ATP2A1: variants seen among roughly 807,000 people sequenced by gnomAD.
The protein encoded by ATP2A1 is ATPase sarcoplasmic/endoplasmic reticulum Ca2+ transporting 1, also known as sarcoplasmic/endoplasmic reticulum calcium ATPase 1.
Under a neutral mutation model 109.5 loss-of-function variants are expected in ATP2A1, and 83 were observed. The ratio of observed to expected loss-of-function variants is 0.76; its 90% CI spans 0.63 to 0.91. ATP2A1 has a LOEUF of 0.91. Among genes scored for constraint, ATP2A1 ranks in the 40% least tolerant of loss-of-function variants. ATP2A1 has a pLI of 0.00. For missense variants in ATP2A1, 1,101 were observed against 1,341.0 expected (o/e 0.82, Z 2.80); for synonymous variants, 505 against 537.6 (o/e 0.94, Z 0.84).
Position 28,887,532 on chromosome 16 carries a change from G to A in ATP2A1, c.738G>A (p.Lys246=). 1.9e-6 allele frequency: 3 copies of A among 1,614,002 alleles called. No individual in the cohort carries two copies. Among genetic ancestry groups the A allele is most frequent in the Non-Finnish European group, 2.5e-6 (3 of 1,180,008 alleles). Residue 246 remains lysine, a synonymous_variant, in exon 8 of 23, where the codon AAG becomes AAA. Coordinates refer to ENST00000395503, the MANE Select transcript of ATP2A1 (RefSeq NM_004320.6). ...AAATGGCTGCCACAGAACAGGACAAGACCCCCTTGCAGCAGAAGCTGGATG... is the reference window on the plus strand; with the variant it reads ...AAATGGCTGCCACAGAACAGGACAAAACCCCCTTGCAGCAGAAGCTGGATG... ...RDQMAATEQD[K]TPLQQKLDEF...
rs1964155999 is a variant in ATP2A1 at position 28,903,571 on chromosome 16, T to C, written c.2981-129T>C. ...CCTGGCAGGACCTGTGTCCGCCCCGTTCCCCCTGCGCCTGCAGGGGCCACA... is the reference window on the plus strand; with the variant it reads ...CCTGGCAGGACCTGTGTCCGCCCCGCTCCCCCTGCGCCTGCAGGGGCCACA... On this transcript the variant is annotated intron_variant, in intron 21 of 22. Coordinates refer to ENST00000395503, the MANE Select transcript of ATP2A1 (RefSeq NM_004320.6). This position sits in a 1 kb window ranked among gnomAD's most constrained non-coding sequence, Gnocchi z 5.6. The C allele has an allele frequency of 6.8e-6, 8 of 1,184,928 alleles. No homozygotes were observed. The highest frequency in any genetic ancestry group is 1.5e-5 in the African/African-American group (1 of 64,948). The allele number at this position is 1,184,928 out of a possible 1,614,324, so 73.4% of individuals were successfully genotyped here. A position where few individuals can be genotyped will look rare whatever the true frequency, so the allele number is the denominator to read the frequency against.
At chr16:28,892,820 G>GAA (rs1379594068) in intron 9 of ATP2A1, among the ~76,000 whole-genome samples, 2 of 150,518 alleles carry the variant, frequency 1.3e-5, no homozygotes, top group African/African-American at 4.9e-5. Flanking sequence ...CAAGGTGAGT[G>GAA]GATCACCTGA....
chr16:28,895,745 C>G (rs1300813780), intron 12 of ATP2A1, among the ~76,000 whole-genome samples: 1 of 151,532 alleles, frequency 6.6e-6, no homozygotes, highest in Non-Finnish European at 1.5e-5. Context: ...CAAAACTGTA[C>G]TCTAGCTACT....
In ATP2A1 at chr16:28,898,060, ATGTC is replaced by A; in HGVS notation, c.1486_1489del (p.Val496IlefsTer41). On this transcript the variant is annotated frameshift_variant, in exon 13 of 23. Coordinates refer to ENST00000395503, the MANE Select transcript of ATP2A1 (RefSeq NM_004320.6). LOFTEE classifies it high-confidence loss of function. The surrounding 1 kb of genome is among the most constrained non-coding windows in gnomAD (Gnocchi z 4.0). ...GGAGTTCTCCCGAGACAGAAAGTCC[ATGTC>A]TGTCTATTGCTCCCCAGCCAAATCT... The A allele has an allele frequency of 6.2e-7, 1 of 1,614,070 alleles. No homozygotes were observed. Among genetic ancestry groups the A allele is most frequent in the East Asian group, 2.2e-5 (1 of 44,890 alleles).
At chr16:28,885,152 T>TA (rs1963583252) in intron 6 of ATP2A1, among the ~76,000 whole-genome samples, 1 of 150,002 alleles carries the variant, frequency 6.7e-6, no homozygotes, top group Admixed American at 6.7e-5. Context: ...AGGAGGCTGA[T>TA]ACAGTAGAAC....
chr16:28,878,703 A>C lies in ATP2A1; in HGVS notation c.32A>C (p.Glu11Ala), dbSNP rs1421773673. The change falls in exon 1 of 23, where the codon GAA (glutamate) becomes GCA (alanine). Residue 11 changes from glutamate (E) to alanine (A), a missense_variant. By Grantham distance (107) the Glu-to-Ala change is moderately radical (BLOSUM62 -1). Coordinates refer to ENST00000395503, the MANE Select transcript of ATP2A1 (RefSeq NM_004320.6). ...GCCGCTCATGCTAAAACCACGGAGGAATGTTTGGCCTATTTTGGGGTGAGT... is the reference window on the plus strand; with the variant it reads ...GCCGCTCATGCTAAAACCACGGAGGCATGTTTGGCCTATTTTGGGGTGAGT... MEAAHAKTTE[E>A]CLAYFGVSET... 1.2e-6 allele frequency: 2 copies of C among 1,610,588 alleles called. No individual in the cohort carries two copies. The highest frequency in any genetic ancestry group is 8.5e-7 in the Non-Finnish European group (1 of 1,178,334).
At position 28,898,413 on chromosome 16, in the gene ATP2A1, A is replaced by G. The variant is rs1215222946; in HGVS notation, c.1726A>G (p.Met576Val). The G allele has an allele frequency of 1.2e-6, 2 of 1,614,018 alleles. No individual in the cohort carries two copies. Among genetic ancestry groups the G allele is most frequent in the South Asian group, 1.1e-5 (1 of 91,088 alleles). ...GGACACCCCCCCGAAGCGAGAGGAA[A>G]TGGTCCTGGATGACTCTGCCAGGTT... ...TRDTPPKREE[M>V]VLDDSARFLE... The change falls in exon 14 of 23, where the codon ATG (methionine) becomes GTG (valine). Residue 576 changes from methionine (M) to valine (V), a missense_variant. Physicochemically the swap from Met to Val is conservative, Grantham distance 21. Coordinates refer to ENST00000395503, the MANE Select transcript of ATP2A1 (RefSeq NM_004320.6). This position sits in a 1 kb window ranked among gnomAD's most constrained non-coding sequence, Gnocchi z 4.0.
At position 28,883,737 on chromosome 16, in the gene ATP2A1, A is replaced by G. The variant is rs1963548769; in HGVS notation, c.464-838A>G. ...CCTCACCTCCACCCATTCACTCTCC[A>G]GCCTGTGCTGCCCGCCCCACTCTTC... is the stretch of plus-strand genomic sequence containing the variant. On this transcript the variant is annotated intron_variant, in intron 5 of 22. Coordinates refer to ENST00000395503, the MANE Select transcript of ATP2A1 (RefSeq NM_004320.6). This position sits in a 1 kb window ranked among gnomAD's most constrained non-coding sequence, Gnocchi z 5.2. Among the ~76,000 whole-genome samples the G allele has an allele frequency of 6.6e-6, 1 of 151,276 alleles. No homozygotes were observed. Among genetic ancestry groups the G allele is most frequent in the Non-Finnish European group, 1.5e-5 (1 of 67,766 alleles).
rs1964111279 is a variant in ATP2A1 at position 28,902,556 on chromosome 16, C to T, written c.2525-24C>T. On this transcript the variant is annotated intron_variant, in intron 17 of 22. Coordinates refer to ENST00000395503, the MANE Select transcript of ATP2A1 (RefSeq NM_004320.6). The surrounding 1 kb of genome is among the most constrained non-coding windows in gnomAD (Gnocchi z 4.8). ...CCCCCTATCTCCCCAGCCCTGACCCCCGACTCCCCTCTCTCCACCACAGGC... is the reference window on the plus strand; with the variant it reads ...CCCCCTATCTCCCCAGCCCTGACCCTCGACTCCCCTCTCTCCACCACAGGC... 6.2e-7 allele frequency: 1 copy of T among 1,613,086 alleles called. No homozygotes were observed.
At chr16:28,885,914 C>T (rs550179173) in intron 6 of ATP2A1, among the ~76,000 whole-genome samples, 5 of 152,074 alleles carry the variant, frequency 3.3e-5, no homozygotes, top group Non-Finnish European at 5.9e-5. Context: ...ACCTGTAATC[C>T]CAGTGCTTTG....
intron 6 of ATP2A1, 124 bp downstream of exon 6, chr16:28,884,779 C>T: frequency 1.0e-6 from 1 of 972,198 alleles, no homozygotes; most frequent in Non-Finnish European, 1.5e-6. Context: ...GACCCTGTCT[C>T]TACAAAAAAA....
At chr16:28,885,837 C>G (rs1216116455) in intron 6 of ATP2A1, among the ~76,000 whole-genome samples, 2 of 151,994 alleles carry the variant, frequency 1.3e-5, no homozygotes, top group African/African-American at 4.8e-5. Context: ...CCATGAGATT[C>G]TAGGACAAGA....
At chr16:28,889,689 G>C (rs1489227643) in intron 9 of ATP2A1, among the ~76,000 whole-genome samples, 1 of 152,180 alleles carries the variant, frequency 6.6e-6, no homozygotes, top group African/African-American at 2.4e-5. Context: ...TGCCTGTGAA[G>C]TAGATGGCTC....
At position 28,887,201 on chromosome 16, in the gene ATP2A1, C is replaced by T; in HGVS notation, c.557C>T (p.Ser186Phe). The change falls in exon 7 of 23, where the codon TCT (serine) becomes TTT (phenylalanine). Residue 186 changes from serine (S) to phenylalanine (F), a missense_variant. Coordinates refer to ENST00000395503, the MANE Select transcript of ATP2A1 (RefSeq NM_004320.6). ...DQSILTGESVSVIKHTEPVPD... is the reference protein window; with the variant it reads ...DQSILTGESVFVIKHTEPVPD... Reference sequence around the variant, plus strand: ...CCCTTCTCCACAGGCGAGTCTGTATCTGTCATCAAACACACGGAGCCCGTT... The same window carrying T: ...CCCTTCTCCACAGGCGAGTCTGTATTTGTCATCAAACACACGGAGCCCGTT... The T allele has an allele frequency of 6.2e-7, 1 of 1,613,880 alleles. No homozygotes were observed. The highest frequency in any genetic ancestry group is 8.5e-7 in the Non-Finnish European group (1 of 1,179,994).
intron 12 of ATP2A1, among the ~76,000 whole-genome samples, chr16:28,896,244 G>A (rs1209421592): frequency 6.6e-6 from 1 of 152,092 alleles, no homozygotes; most frequent in Non-Finnish European, 1.5e-5. Flanking sequence ...TTGTCTGTCT[G>A]TTTTGAGAGT....
At chr16:28,890,766 A>AGT (rs1963748718) in intron 9 of ATP2A1, among the ~76,000 whole-genome samples, 3 of 151,874 alleles carry the variant, frequency 2.0e-5, no homozygotes, top group African/African-American at 7.3e-5. Flanking sequence ...GCTCACTACA[A>AGT]CCTTCACCTC....
At chr16:28,889,929 G>A (rs1963724353) in intron 9 of ATP2A1, among the ~76,000 whole-genome samples, 1 of 152,070 alleles carries the variant, frequency 6.6e-6, no homozygotes, top group Non-Finnish European at 1.5e-5. Flanking sequence ...AGATCACGAG[G>A]TCAGGAGTTC....
chr16:28,902,632 T>A lies in ATP2A1; in HGVS notation c.2577T>A (p.Ala859=). The stretch of plus-strand genomic sequence containing the variant: ...CAGCTGCCTGGTGGTTCCTGTACGC[T>A]GAGGATGGGCCTCATGTCAACTACA... ...VGAAAWWFLY[A]EDGPHVNYSQ... Residue 859 remains alanine, a synonymous_variant, in exon 18 of 23, where the codon GCT becomes GCA. Transcript: ENST00000395503. This position sits in a 1 kb window ranked among gnomAD's most constrained non-coding sequence, Gnocchi z 4.8. 1.9e-6 allele frequency: 3 copies of A among 1,613,962 alleles called. No homozygotes were observed. Among genetic ancestry groups the A allele is most frequent in the Non-Finnish European group, 2.5e-6 (3 of 1,179,954 alleles).
chr16:28,902,753 TCA>T lies in ATP2A1; in HGVS notation c.2611-24_2611-23del, dbSNP rs1964117704. 1.9e-6 allele frequency: 3 copies of T among 1,613,798 alleles called. No individual in the cohort carries two copies. The African/African-American group carries it at 4.0e-5, about 22-fold the overall frequency. On this transcript the variant is annotated intron_variant, in intron 18 of 22. Transcript: ENST00000395503. The surrounding 1 kb of genome is among the most constrained non-coding windows in gnomAD (Gnocchi z 4.8). ...GGTGGCATGGAGGTGGCCCTGGACC[TCA>T]GTCTCCCGTACCTTCCCTGCAGACT...
Sources: allele counts gnomAD v4.1 joint callset (sites outside exome capture counted in the v4.1 genomes callset), GRCh38; gene constraint gnomAD v4.1.1; non-coding constraint Gnocchi (gnomAD v3.1); transcripts MANE v1.5; gene names NCBI Gene and HGNC (gene_info 2026-07-23, HGNC 2026-07-21).